LGR5: variants seen among roughly 807,000 people sequenced by gnomAD.
The protein encoded by LGR5 is leucine rich repeat containing G protein-coupled receptor 5.
LGR5 carries 54 observed loss-of-function variants against 76.7 expected under a neutral mutation model. The observed-to-expected ratio is 0.70, with a 90% CI of 0.57 to 0.88. The LOEUF is 0.88. Among genes scored for constraint, LGR5 ranks in the 40% least tolerant of loss-of-function variants. LGR5 has a pLI of 0.00. For synonymous variants in LGR5, 406 were observed against 421.9 expected (o/e 0.96, Z 0.46); for missense variants, 1,078 against 1,073.3 (o/e 1.00, Z -0.06).
rs992415881 is a variant in LGR5 at position 71,574,493 on chromosome 12, G to A, written c.1208+1572G>A. Reference sequence around the variant, plus strand: ...TCTACCGCAGGCCCATTAATGATTCGTTTGGATCACCATCATCCTCCCAAC... The same window carrying A: ...TCTACCGCAGGCCCATTAATGATTCATTTGGATCACCATCATCCTCCCAAC... On this transcript the variant is annotated intron_variant, in intron 13 of 17. Coordinates refer to ENST00000266674, the MANE Select transcript of LGR5 (RefSeq NM_003667.4). Among the ~76,000 whole-genome samples the A allele has an allele frequency of 2.6e-5, 4 of 151,886 alleles. No individual in the cohort carries two copies. In the East Asian group the frequency reaches 7.7e-4, roughly 29 times the overall value.
At chr12:71,450,125 TA>T (rs1282215639) in intron 1 of LGR5, among the ~76,000 whole-genome samples, 1 of 152,194 alleles carries the variant, frequency 6.6e-6, no homozygotes, top group Non-Finnish European at 1.5e-5. Flanking sequence ...ATCACGCAGC[TA>T]GCAAAGACAG....
chr12:71,579,319 A>T (rs1320408038), intron 15 of LGR5, among the ~76,000 whole-genome samples: 2 of 152,200 alleles, frequency 1.3e-5, no homozygotes, highest in Non-Finnish European at 1.5e-5. Flanking sequence ...TATTTGTTTG[A>T]GGAAGTAATG....
chr12:71,494,238 G>T (rs1025960867), intron 1 of LGR5, among the ~76,000 whole-genome samples: 3 of 150,688 alleles, frequency 2.0e-5, no homozygotes, highest in South Asian at 2.1e-4. Flanking sequence ...GAGCCACTGC[G>T]CCCGGCCTTG....
At chr12:71,458,094 T>C (rs1476192378) in intron 1 of LGR5, among the ~76,000 whole-genome samples, 1 of 152,124 alleles carries the variant, frequency 6.6e-6, no homozygotes, top group Admixed American at 6.6e-5. Flanking sequence ...AAATACGGGA[T>C]TTTGTTTCTT....
intron 1 of LGR5, among the ~76,000 whole-genome samples, chr12:71,469,916 G>T (rs1592467018): frequency 6.6e-6 from 1 of 152,216 alleles, no homozygotes; most frequent in Admixed American, 6.5e-5. Flanking sequence ...TCACCTCTAG[G>T]CAGAGTACCA....
At chr12:71,453,630 C>G (rs1013625732) in intron 1 of LGR5, among the ~76,000 whole-genome samples, 4 of 151,446 alleles carry the variant, frequency 2.6e-5, no homozygotes, top group African/African-American at 9.7e-5. Flanking sequence ...GAGAGAAGGT[C>G]GGGAATTCAA....
At chr12:71,499,574 A>G (rs919791740) in intron 1 of LGR5, among the ~76,000 whole-genome samples, 4 of 152,304 alleles carry the variant, frequency 2.6e-5, no homozygotes, top group African/African-American at 9.6e-5. Flanking sequence ...ATTTCCTCCC[A>G]GAGGCAGGAG....
intron 17 of LGR5, 70 bp from the exon 18 acceptor site, chr12:71,583,576 CA>C (rs1353281872): frequency 6.6e-7 from 1 of 1,509,482 alleles, no homozygotes; most frequent in East Asian, 2.3e-5. Flanking sequence ...AATAAAGAGA[CA>C]AAAGGGTAAT....
intron 1 of LGR5, among the ~76,000 whole-genome samples, chr12:71,480,544 G>A (rs958953980): frequency 6.6e-6 from 1 of 152,026 alleles, no homozygotes; most frequent in African/African-American, 2.4e-5. Flanking sequence ...CATAGGACAA[G>A]CATTCTCCAG....
chr12:71,487,862 A>G (rs74101845), intron 1 of LGR5, among the ~76,000 whole-genome samples: 3,475 of 152,282 alleles, frequency 0.023, 136 homozygotes, highest in African/African-American at 0.079. Flanking sequence ...AATTCTGTGA[A>G]GGTTTTCTAT....
At chr12:71,483,751 C>A (rs946829446) in intron 1 of LGR5, among the ~76,000 whole-genome samples, 1 of 151,702 alleles carries the variant, frequency 6.6e-6, no homozygotes, top group Non-Finnish European at 1.5e-5. Context: ...AATTAGGTTG[C>A]ATGTGTGTGT....
intron 2 of LGR5, among the ~76,000 whole-genome samples, chr12:71,509,082 G>A (rs59825806): frequency 0.092 from 14,054 of 152,098 alleles, 697 homozygotes; most frequent in Non-Finnish European, 0.11. Context: ...AAAGCAGGTC[G>A]AAATTAGGGA....
chr12:71,503,909 G>A (rs1338601636), intron 1 of LGR5, among the ~76,000 whole-genome samples: 1 of 152,152 alleles, frequency 6.6e-6, no homozygotes, highest in East Asian at 1.9e-4. Flanking sequence ...AGAATAAAAT[G>A]TAATTACACA....
At chr12:71,512,338 A>G (rs1282002610) in intron 2 of LGR5, among the ~76,000 whole-genome samples, 2 of 152,232 alleles carry the variant, frequency 1.3e-5, no homozygotes, top group African/African-American at 4.8e-5. Context: ...TAATTCTGTC[A>G]ACAATTAATG....
chr12:71,549,395 TTAATAA>T (rs1420623695), intron 4 of LGR5, among the ~76,000 whole-genome samples: 1 of 152,176 alleles, frequency 6.6e-6, no homozygotes, highest in Non-Finnish European at 1.5e-5. Flanking sequence ...GTGACTACAG[TTAATAA>T]TAATATATTG....
chr12:71,515,327 T>G (rs1018639374), intron 2 of LGR5, among the ~76,000 whole-genome samples: 3 of 152,394 alleles, frequency 2.0e-5, no homozygotes, highest in East Asian at 3.9e-4. Flanking sequence ...TCATCACTTA[T>G]GTATCTTTTG....
At position 71,584,305 on chromosome 12, in the gene LGR5, A is replaced by G; in HGVS notation, c.2295A>G (p.Val765=). 1.2e-6 allele frequency: 2 copies of G among 1,614,202 alleles called. No homozygotes were observed. Among genetic ancestry groups the G allele is most frequent in the Non-Finnish European group, 1.7e-6 (2 of 1,180,006 alleles). The change falls in exon 18 of 18, where the codon GTA becomes GTG. Residue 765 remains valine, a synonymous_variant. Coordinates refer to ENST00000266674, the MANE Select transcript of LGR5 (RefSeq NM_003667.4). ...DLENIWDCSM[V]KHIALLLFTN... ...AGAATATTTGGGACTGCTCTATGGT[A>G]AAACACATTGCCCTGTTGCTCTTCA...
chr12:71,465,421 C>T (rs562378002), intron 1 of LGR5, among the ~76,000 whole-genome samples: 1 of 152,270 alleles, frequency 6.6e-6, no homozygotes, highest in Admixed American at 6.5e-5. Flanking sequence ...GTTTCAAAGG[C>T]TCCTTTAACT....
In LGR5 at chr12:71,514,928, G is replaced by C. The variant is rs542433967; in HGVS notation, c.285-9478G>C. On this transcript the variant is annotated intron_variant, in intron 2 of 17. Transcript: ENST00000266674. ...TTAGGAAAGATATTTTTTCTCAAAT[G>C]GGGAGAAAATTAGTTGATGAAATGT... Among the ~76,000 whole-genome samples the C allele has an allele frequency of 4.9e-4, 74 of 152,250 alleles. 3 individuals carry two copies. The South Asian group carries it at 0.015, about 30-fold the overall frequency.
Sources: gnomAD v4.1 joint callset for allele counts (sites outside exome capture counted in the v4.1 genomes callset) on GRCh38, gnomAD v4.1.1 for gene constraint, MANE v1.5 for transcripts, NCBI Gene and HGNC (gene_info 2026-07-23, HGNC 2026-07-21) for gene names.